DOCK10: variants seen among roughly 807,000 people sequenced by gnomAD.
DOCK10 encodes the protein dedicator of cytokinesis 10.
DOCK10 carries 145 observed loss-of-function variants against 280.1 expected under a neutral mutation model. The observed-to-expected ratio is 0.52, with a 90% CI of 0.45 to 0.59. DOCK10 has a LOEUF of 0.59. Ranked by LOEUF, DOCK10 falls within the 20% of genes least tolerant of loss-of-function variation. The pLI, the probability that DOCK10 is intolerant of heterozygous loss-of-function variation, is 0.00. For missense variants in DOCK10, 2,368 were observed against 2,651.7 expected, an observed-to-expected ratio of 0.89 and a Z score of 2.35; for synonymous variants, 915 against 942.2, an observed-to-expected ratio of 0.97 and a Z score of 0.53.
At chr2:224,873,840 A>G (rs749224957) in intron 11 of DOCK10, among the ~76,000 whole-genome samples, 156 bp downstream of exon 11, 5 of 152,310 alleles carry the variant, frequency 3.3e-5, no homozygotes, top group Non-Finnish European at 7.3e-5. Flanking sequence ...GAACTTGTAC[A>G]CTTGTGTAAT....
chr2:224,837,644 T>G, intron 25 of DOCK10, 118 bp downstream of exon 25: 3 of 760,754 alleles, frequency 3.9e-6, no homozygotes, highest in Non-Finnish European at 6.8e-6. Context: ...TTCCTGATAT[T>G]ACTGTGGTGG....
At chr2:224,989,725 G>A (rs1706077938) in intron 1 of DOCK10, among the ~76,000 whole-genome samples, 2 of 152,150 alleles carry the variant, frequency 1.3e-5, no homozygotes, top group South Asian at 2.1e-4. Flanking sequence ...TGCCTTCTCA[G>A]CTGAAAAGTG....
At chr2:224,916,574 G>A in intron 3 of DOCK10, 121 bp downstream of exon 3, 2 of 509,310 alleles carry the variant, frequency 3.9e-6, no homozygotes, top group Admixed American at 3.4e-5. Context: ...ACATCCACTA[G>A]TTAGAATATT....
At chr2:225,031,047 A>T (rs281543) in intron 1 of DOCK10, among the ~76,000 whole-genome samples, 111,558 of 152,124 alleles carry the variant, frequency 0.73, 41,939 homozygotes, top group Middle Eastern at 0.87. Context: ...TATGTGCCAA[A>T]CATCTTGCTG....
rs759562437 is a variant in DOCK10 at position 224,856,931 on chromosome 2, T to C, written c.1737A>G (p.Ser579=). The change falls in exon 15 of 56, where the codon TCA becomes TCG. Residue 579 remains serine, a synonymous_variant. Coordinates refer to ENST00000258390, the MANE Select transcript of DOCK10 (RefSeq NM_014689.3). ...TGCTACTTTCTTGTCTAAACAATGGTGAAAATCTTGAGTCTCTGTCCACAT... is the reference window on the plus strand; with the variant it reads ...TGCTACTTTCTTGTCTAAACAATGGCGAAAATCTTGAGTCTCTGTCCACAT... The part of the protein sequence containing the change: ...QGNVDRDSRF[S]PLFRQESSKI... 2 of 1,612,434 alleles carry C rather than the reference T, an allele frequency of 1.2e-6. No individual in the cohort carries two copies. The highest frequency in any genetic ancestry group is 1.7e-6 in the Non-Finnish European group (2 of 1,178,840).
chr2:224,935,456 G>A (rs1702630430), intron 1 of DOCK10, among the ~76,000 whole-genome samples: 1 of 152,158 alleles, frequency 6.6e-6, no homozygotes, highest in Admixed American at 6.5e-5. Flanking sequence ...AAAGTAGAGT[G>A]TGAGTATAGG....
Position 224,797,062 on chromosome 2 carries a change from G to A in DOCK10, c.4729C>T (p.Arg1577Trp), listed in dbSNP as rs766605817. The A allele has an allele frequency of 1.1e-5, 18 of 1,613,590 alleles. No homozygotes were observed. The highest frequency in any genetic ancestry group is 1.7e-4 in the Middle Eastern group (1 of 6,060). ...GCTGAGGCTTCTGTCTGAGTTGACC[G>A]TGACCTGTGGTTACAGCATTTTAGG... ...EVLKCCNHRS[R>W]STQTEASALL... is the part of the protein sequence containing the mutation. The change falls in exon 43 of 56, where the codon CGG (arginine) becomes TGG (tryptophan). Residue 1577 changes from arginine (R) to tryptophan (W), a missense_variant. Around this residue, in one of 2 missense-constraint regions of DOCK10, gnomAD observed 1,159 missense variants for 1,400.8 expected, o/e 0.83. Transcript: ENST00000258390.
intron 2 of DOCK10, among the ~76,000 whole-genome samples, chr2:224,919,889 T>C (rs1156572320): frequency 1.3e-5 from 2 of 152,140 alleles, no homozygotes; most frequent in Non-Finnish European, 2.9e-5. Flanking sequence ...CTGAGCTCCC[T>C]GGGCCACTGC....
At chr2:224,869,014 C>T (rs1401153398) in intron 11 of DOCK10, among the ~76,000 whole-genome samples, 2 of 152,114 alleles carry the variant, frequency 1.3e-5, no homozygotes, top group Non-Finnish European at 2.9e-5. Context: ...TCATTTCTTT[C>T]TTCCAATCCA....
rs372172541 is a variant in DOCK10, at chr2:224,789,836, A to G, written c.5312-666T>C. Among the ~76,000 whole-genome samples, 350 of 151,650 alleles carry G rather than the reference A, an allele frequency of 2.3e-3. 1 individual carries two copies. Among genetic ancestry groups the G allele is most frequent in the Middle Eastern group, 0.017 (5 of 292 alleles). On this transcript the variant is annotated intron_variant, in intron 47 of 55. Transcript: ENST00000258390. ...ACTCTTGTTGCCCAGGCTGGAGTGCAATGGTGCCATCTCGGCTCACTGCAA... is the reference window on the plus strand; with the variant it reads ...ACTCTTGTTGCCCAGGCTGGAGTGCGATGGTGCCATCTCGGCTCACTGCAA...
At chr2:224,806,706 C>T (rs780038614) in intron 33 of DOCK10, among the ~76,000 whole-genome samples, 5 of 152,080 alleles carry the variant, frequency 3.3e-5, no homozygotes, top group Non-Finnish European at 7.4e-5. Flanking sequence ...CTGGCTCAAG[C>T]GATCCTCCTG....
chr2:224,997,194 CTCCCTCCCTCCCT>C (rs1056050032), intron 1 of DOCK10, among the ~76,000 whole-genome samples: 7 of 150,988 alleles, frequency 4.6e-5, no homozygotes, highest in South Asian at 2.1e-4. Flanking sequence ...GGGTTTGTCC[CTCCCTCCCTCCCT>C]TCCCTCCCTC....
chr2:224,922,761 A>G (rs1339291631), intron 2 of DOCK10, among the ~76,000 whole-genome samples: 1 of 152,192 alleles, frequency 6.6e-6, no homozygotes, highest in African/African-American at 2.4e-5. Context: ...AGTCTAAAAA[A>G]GGGCTGCTTA....
At chr2:224,944,406 C>A (rs1703275573) in intron 1 of DOCK10, among the ~76,000 whole-genome samples, 1 of 152,216 alleles carries the variant, frequency 6.6e-6, no homozygotes, top group Admixed American at 6.5e-5. Flanking sequence ...TTTAATAACA[C>A]TACACAACAC....
At chr2:224,933,032 A>C (rs1702485249) in intron 1 of DOCK10, among the ~76,000 whole-genome samples, 1 of 152,212 alleles carries the variant, frequency 6.6e-6, no homozygotes, top group Non-Finnish European at 1.5e-5. Context: ...ATGCCAGGTG[A>C]ATATTCTGTC....
At chr2:224,863,240 A>G (rs1157217780) in intron 13 of DOCK10, among the ~76,000 whole-genome samples, 3 of 152,192 alleles carry the variant, frequency 2.0e-5, no homozygotes, top group Non-Finnish European at 4.4e-5. Context: ...AATGAATGTG[A>G]CTGTGTTTCA....
chr2:224,868,765 T>C (rs1336085189), intron 11 of DOCK10, among the ~76,000 whole-genome samples: 1 of 152,188 alleles, frequency 6.6e-6, no homozygotes, highest in East Asian at 1.9e-4. Flanking sequence ...GTTTATAGTA[T>C]ACCAATTTAA....
At chr2:224,765,962 A>G (rs1449867159) in intron 55 of DOCK10, 125 bp from the exon 56 acceptor site, 18 of 649,650 alleles carry the variant, frequency 2.8e-5, no homozygotes. Flanking sequence ...AATTATAAAA[A>G]GACACATATT....
chr2:224,796,080 A>G (rs1442834744), intron 44 of DOCK10, among the ~76,000 whole-genome samples: 1 of 151,568 alleles, frequency 6.6e-6, no homozygotes, highest in African/African-American at 2.4e-5. Context: ...TATTTTAGAG[A>G]CAAGGTCTTG....
Sources: allele counts gnomAD v4.1 joint callset (sites outside exome capture counted in the v4.1 genomes callset), GRCh38; gene constraint gnomAD v4.1.1; regional missense constraint gnomAD v4.1.1; transcripts MANE v1.5; gene names NCBI Gene and HGNC (gene_info 2026-07-23, HGNC 2026-07-21).